The following UBE2K variants were observed in gnomAD, a reference collection of about 807,000 sequenced individuals.
UBE2K encodes the protein ubiquitin-conjugating enzyme E2 K.
UBE2K carries 6 observed loss-of-function variants against 30.0 expected under a neutral mutation model. The ratio of observed to expected loss-of-function variants is 0.20; its 90% CI spans 0.11 to 0.39. The LOEUF (loss-of-function observed/expected upper bound fraction) is 0.39, where lower values mean the gene tolerates loss of function less well. Among genes scored for constraint, UBE2K ranks in the 10% least tolerant of loss-of-function variants. The pLI, the probability that UBE2K is intolerant of heterozygous loss-of-function variation, is 1.00. For synonymous variants in UBE2K, 86 were observed against 83.7 expected, an observed-to-expected ratio of 1.03 and a Z score of -0.15; for missense variants, 61 against 241.6, an observed-to-expected ratio of 0.25 and a Z score of 4.96.
intron 1 of UBE2K, among the ~76,000 whole-genome samples, chr4:39,734,427 A>G (rs766116706): frequency 6.6e-6 from 1 of 151,980 alleles, no homozygotes; most frequent in Non-Finnish European, 1.5e-5. Flanking sequence ...TATTTTCTTG[A>G]GCTTATTTAG....
At chr4:39,748,043 AAAAAG>A (rs1289521324) in intron 3 of UBE2K, among the ~76,000 whole-genome samples, 8 of 152,086 alleles carry the variant, frequency 5.3e-5, no homozygotes, top group African/African-American at 9.7e-5. Context: ...TCCATCTGAA[AAAAAG>A]AAAAGAAAAG....
chr4:39,778,247 C>A, intron 6 of UBE2K, 113 bp from the exon 7 acceptor site: 2 of 524,542 alleles, frequency 3.8e-6, no homozygotes, highest in South Asian at 4.9e-5. Flanking sequence ...AAATGTAAAT[C>A]AACTTACAGA....
chr4:39,773,618 T>C (rs1560381620), intron 4 of UBE2K, among the ~76,000 whole-genome samples: 1 of 151,608 alleles, frequency 6.6e-6, no homozygotes, highest in Non-Finnish European at 1.5e-5. Flanking sequence ...AATAAGTGAG[T>C]GGATAAAACT....
intron 4 of UBE2K, among the ~76,000 whole-genome samples, chr4:39,763,399 G>A (rs988048922): frequency 6.6e-6 from 1 of 152,100 alleles, no homozygotes; most frequent in African/African-American, 2.4e-5. Context: ...TTACAGGCAT[G>A]TGCCACCACA....
rs1712960134 is a variant in UBE2K, at chr4:39,772,533, C to A, written c.300-2301C>A. Among the ~76,000 whole-genome samples, 6 of 151,872 alleles carry A rather than the reference C, an allele frequency of 4.0e-5. No homozygotes were observed. In the South Asian group the frequency reaches 1.2e-3, roughly 32 times the overall value. On this transcript the variant is annotated intron_variant, in intron 4 of 6. Transcript: ENST00000261427. ...AAGGCTACAGTGAGCCTTGATTGTA[C>A]CACTGCACTTTAGCCTAGGCAGCGT...
At chr4:39,770,175 G>T (rs1712686998) in intron 4 of UBE2K, 7 of 1,608,126 alleles carry the variant, frequency 4.4e-6, no homozygotes, top group Non-Finnish European at 5.9e-6. Context: ...CCGCCTAATG[G>T]CAGGCTTGTG....
rs1713487116 is a variant in UBE2K, at chr4:39,779,503, A to G, written c.*1069A>G. On this transcript the variant is annotated 3_prime_UTR_variant, in exon 7 of 7. Transcript: ENST00000261427. ...GAAAGCTGTGTTGGTGTTTTATTGT[A>G]CATACTTCAGATGCACATAGGAATA... The G allele has an allele frequency of 6.6e-6, 1 of 152,612 alleles. No homozygotes were observed. The highest frequency in any genetic ancestry group is 1.5e-5 in the Non-Finnish European group (1 of 68,040). The allele number at this position is 152,612 out of a possible 1,614,324, so 9.5% of individuals were successfully genotyped here. A position where few individuals can be genotyped will look rare whatever the true frequency, so the allele number is the denominator to read the frequency against.
chr4:39,728,336 G>A (rs1346428704), intron 1 of UBE2K, among the ~76,000 whole-genome samples: 1 of 152,176 alleles, frequency 6.6e-6, no homozygotes, highest in East Asian at 1.9e-4. Context: ...TGAGCTGGGA[G>A]TGGTGGTTTA....
intron 1 of UBE2K, among the ~76,000 whole-genome samples, chr4:39,722,689 A>T (rs918353083): frequency 2.0e-5 from 3 of 148,596 alleles, no homozygotes; most frequent in Non-Finnish European, 4.5e-5. Context: ...ACGTGGGGAG[A>T]ACATGGCAAG....
intron 5 of UBE2K, among the ~76,000 whole-genome samples, chr4:39,777,267 G>C (rs1302959086): frequency 6.6e-6 from 1 of 152,200 alleles, no homozygotes; most frequent in Admixed American, 6.5e-5. Context: ...AGCCTGGGCT[G>C]TGGGTAATAC....
intron 1 of UBE2K, among the ~76,000 whole-genome samples, chr4:39,735,285 T>C (rs1720316529): frequency 6.6e-6 from 1 of 152,184 alleles, no homozygotes; most frequent in Admixed American, 6.5e-5. Context: ...TCTTGGCTCA[T>C]TGCAACCTCC....
At chr4:39,777,122 T>C (rs1361537369) in intron 5 of UBE2K, among the ~76,000 whole-genome samples, 1 of 152,218 alleles carries the variant, frequency 6.6e-6, no homozygotes, top group African/African-American at 2.4e-5. Context: ...GGGAAGTCTT[T>C]TAATAAAATT....
At chr4:39,742,033 G>T (rs1250294974) in intron 2 of UBE2K, among the ~76,000 whole-genome samples, 2 of 151,984 alleles carry the variant, frequency 1.3e-5, no homozygotes, top group Non-Finnish European at 2.9e-5. Context: ...GTAACATAAG[G>T]GATAGAAATA....
intron 4 of UBE2K, chr4:39,770,053 C>T: frequency 6.6e-7 from 1 of 1,510,422 alleles, no homozygotes; most frequent in East Asian, 2.3e-5. Context: ...CCAGGGACCC[C>T]AGCCTCCGGG....
chr4:39,726,889 A>G (rs383020), intron 1 of UBE2K, among the ~76,000 whole-genome samples: 47,901 of 152,004 alleles, frequency 0.32, 9,353 homozygotes, highest in African/African-American at 0.56. Flanking sequence ...GAGCCAATGT[A>G]CCTGTCCCCT....
chr4:39,700,362 T>C (rs1005977224), intron 1 of UBE2K, among the ~76,000 whole-genome samples: 2 of 152,094 alleles, frequency 1.3e-5, no homozygotes, highest in Admixed American at 6.5e-5. Context: ...AACAGACAGG[T>C]TTTTTGTTGT....
chr4:39,728,817 T>TG (rs1463358069), intron 1 of UBE2K, among the ~76,000 whole-genome samples: 12 of 130,126 alleles, frequency 9.2e-5, no homozygotes, highest in African/African-American at 1.8e-4. Flanking sequence ...AGGTTTTTTT[T>TG]GTTTTTTTTG....
chr4:39,768,475 T>TGGGG (rs1712502778), intron 4 of UBE2K, among the ~76,000 whole-genome samples: 1 of 142,390 alleles, frequency 7.0e-6, no homozygotes, highest in African/African-American at 2.6e-5. Flanking sequence ...ATGTAAAAAA[T>TGGGG]GGTGAGTAGA....
intron 1 of UBE2K, among the ~76,000 whole-genome samples, chr4:39,700,303 C>G (rs1717936069): frequency 6.6e-6 from 1 of 152,116 alleles, no homozygotes; most frequent in African/African-American, 2.4e-5. Context: ...TGAAGCCTTA[C>G]TTCAGATAAG....
Sources: gnomAD v4.1 joint callset for allele counts (sites outside exome capture counted in the v4.1 genomes callset) on GRCh38, gnomAD v4.1.1 for gene constraint, MANE v1.5 for transcripts, NCBI Gene and HGNC (gene_info 2026-07-23, HGNC 2026-07-21) for gene names.